The following ITFG2 variants were observed in gnomAD, a reference collection of about 807,000 sequenced individuals.
ITFG2 encodes KICSTOR complex protein ITFG2.
In ITFG2, 36 loss-of-function variants were observed where a neutral mutation model predicts 54.4. The ratio of observed to expected loss-of-function variants is 0.66; its 90% CI spans 0.51 to 0.87. The LOEUF (loss-of-function observed/expected upper bound fraction) is 0.87, where lower values mean the gene tolerates loss of function less well. Ranked by LOEUF, ITFG2 falls within the 40% of genes least tolerant of loss-of-function variation. The probability of loss-of-function intolerance (pLI) is 0.00; values close to 1 mark genes in which losing one functional copy is unlikely to be tolerated. For synonymous variants in ITFG2, 211 were observed against 225.4 expected (o/e 0.94, Z 0.57); for missense variants, 524 against 576.7 (o/e 0.91, Z 0.94).
At chr12:2,833,988 C>A (rs1269454878), upstream of ITFG2, among the ~76,000 whole-genome samples, 1 of 152,226 alleles carries the variant, frequency 6.6e-6, no homozygotes, top group Non-Finnish European at 1.5e-5. Context: ...CCTGAATCTG[C>A]AGTTTTCCGC....
At chr12:2,828,337 G>C, downstream of ITFG2, 1 of 1,613,998 alleles carries the variant, frequency 6.2e-7, no homozygotes, top group Non-Finnish European at 8.5e-7. Flanking sequence ...CTTACCCCAG[G>C]CGGCTGAGAC....
In ITFG2 at chr12:2,816,250, C is replaced by T. The variant is rs542890692; in HGVS notation, c.97-973C>T. Reference sequence around the variant, plus strand: ...TTTACCATGTTGGCCAGGCTGGTCTCGAACTCCTGACCTCATGTGATCCAC... The same window carrying T: ...TTTACCATGTTGGCCAGGCTGGTCTTGAACTCCTGACCTCATGTGATCCAC... On this transcript the variant is annotated intron_variant, in intron 1 of 11. Transcript: ENST00000228799. Among the ~76,000 whole-genome samples, 6 of 151,628 alleles carry T rather than the reference C, an allele frequency of 4.0e-5. No individual in the cohort carries two copies. The East Asian group carries it at 9.7e-4, about 25-fold the overall frequency.
Position 2,824,371 on chromosome 12 carries a change from T to C in ITFG2, c.*178T>C. The C allele has an allele frequency of 1.4e-6, 1 of 718,814 alleles. No homozygotes were observed. Among genetic ancestry groups the C allele is most frequent in the East Asian group, 2.8e-5 (1 of 36,262 alleles). The allele number at this position is 718,814 out of a possible 1,614,324, so 44.5% of individuals were successfully genotyped here. A position where few individuals can be genotyped will look rare whatever the true frequency, so the allele number is the denominator to read the frequency against. ...GTGAACTATAGACCTCGCAGTCTTT[T>C]CGGTGAAAGAAGAGACAAGTTGACC... is the stretch of plus-strand genomic sequence containing the variant. On this transcript the variant is annotated 3_prime_UTR_variant, in exon 12 of 12. Coordinates refer to ENST00000228799, the MANE Select transcript of ITFG2 (RefSeq NM_018463.4).
Position 2,818,138 on chromosome 12 carries a change from G to C in ITFG2, c.267G>C (p.Trp89Cys), listed in dbSNP as rs1166820920. Residue 89 changes from tryptophan (W) to cysteine (C), a missense_variant, in exon 4 of 12, where the codon TGG becomes TGC. By Grantham distance (215) the Trp-to-Cys change is radical (BLOSUM62 -2). Coordinates refer to ENST00000228799, the MANE Select transcript of ITFG2 (RefSeq NM_018463.4). Reference sequence around the variant, plus strand: ...TGGTGGCAGTGAGTGCTGAAGGCTGGTTTCATTTGTTTGACCTGACACCTG... The same window carrying C: ...TGGTGGCAGTGAGTGCTGAAGGCTGCTTTCATTTGTTTGACCTGACACCTG... ...NLLVAVSAEG[W>C]FHLFDLTPAK... The C allele has an allele frequency of 6.2e-7, 1 of 1,614,048 alleles. No homozygotes were observed. The highest frequency in any genetic ancestry group is 8.5e-7 in the Non-Finnish European group (1 of 1,180,048).
intron 2 of ITFG2, among the ~76,000 whole-genome samples, chr12:2,856,506 C>T (rs189070911): frequency 2.6e-4 from 39 of 152,306 alleles, no homozygotes; most frequent in Non-Finnish European, 4.4e-4. Context: ...GCTGGGATTA[C>T]AGGCGCGTGC....
At chr12:2,835,515 G>A (rs137906459), upstream of ITFG2, 1 of 152,952 alleles carries the variant, frequency 6.5e-6, no homozygotes, top group East Asian at 1.9e-4. Flanking sequence ...CTCCCGCCTA[G>A]CAGATGTCAG....
Position 2,820,837 on chromosome 12 carries a change from C to G in ITFG2, c.660C>G (p.Ser220=), listed in dbSNP as rs1427928188. 1.2e-6 allele frequency: 2 copies of G among 1,613,860 alleles called. No homozygotes were observed. Among genetic ancestry groups the G allele is most frequent in the Non-Finnish European group, 1.7e-6 (2 of 1,179,972 alleles). Residue 220 remains serine (S), a synonymous_variant, in exon 6 of 12, where the codon TCC becomes TCG. Coordinates refer to ENST00000228799, the MANE Select transcript of ITFG2 (RefSeq NM_018463.4). The stretch of plus-strand genomic sequence containing the variant: ...GTACCTGGAAAAAGGACACTGGGTC[C>G]CCTCCTGCCTCTGAAGGGCCCACGG... ...LLCTWKKDTG[S]PPASEGPTDG...
chr12:2,820,964 T>A, intron 6 of ITFG2, 92 bp downstream of exon 6: 1 of 1,350,376 alleles, frequency 7.4e-7, no homozygotes, highest in Middle Eastern at 1.9e-4. Context: ...GGTCTGCAGT[T>A]GGCAGAGCTG....
intron 2 of ITFG2, chr12:2,830,516 G>T (rs911808394): frequency 1.8e-6 from 1 of 548,628 alleles, no homozygotes; most frequent in African/African-American, 1.9e-5. Context: ...GTGACAGATG[G>T]AGTTGCACCG....
At chr12:2,846,298 C>G (rs1394416503) in intron 2 of ITFG2, among the ~76,000 whole-genome samples, 4 of 152,198 alleles carry the variant, frequency 2.6e-5, no homozygotes, top group African/African-American at 7.2e-5. Flanking sequence ...CTGCCCGCCC[C>G]TAGCTTAAGG....
downstream of ITFG2, chr12:2,825,863 A>G (rs2097964064): frequency 6.6e-6 from 1 of 152,216 alleles, no homozygotes; most frequent in African/African-American, 2.4e-5. Context: ...CCCAGGTTCA[A>G]GCAACTCCTA....
In ITFG2 at chr12:2,859,751, T is replaced by C. The variant is rs2098106129; in HGVS notation, n.838T>C. On this transcript the variant is annotated non_coding_transcript_exon_variant, in exon 4 of 4. Transcript: ENST00000537710. The stretch of plus-strand genomic sequence containing the variant: ...CATACGGGTTCTGATCCTCTTTGTG[T>C]CGTTTTGAAGTCTTAAAATCTATTA... 3 of 1,000,938 alleles carry C rather than the reference T, an allele frequency of 3.0e-6. No individual in the cohort carries two copies. The East Asian group carries it at 7.8e-5, about 26-fold the overall frequency. 62.0% of individuals were successfully genotyped at this position (1,000,938 alleles called of 1,614,324 possible). A position where few individuals can be genotyped will look rare whatever the true frequency, so the allele number is the denominator to read the frequency against.
At chr12:2,820,272 A>ATTCC in intron 5 of ITFG2, 47 bp downstream of exon 5, 1 of 1,517,672 alleles carries the variant, frequency 6.6e-7, no homozygotes, top group Admixed American at 2.2e-5. Flanking sequence ...GCTGGGAGGA[A>ATTCC]GGTCTCCTGG....
chr12:2,823,314 C>T (rs771935873), intron 10 of ITFG2, among the ~76,000 whole-genome samples: 2 of 133,288 alleles, frequency 1.5e-5, no homozygotes, highest in Non-Finnish European at 1.6e-5. Context: ...AGAAAGTTCT[C>T]CTAGAGCATT....
rs1232411128 is a variant in ITFG2 at position 2,817,679 on chromosome 12, T to C, written c.193-230T>C. Reference sequence around the variant, plus strand: ...TATTAAATACAGAGTTTCTATTTTATTTTAAGTGCAGGTTGTCTTAACCGC... The same window carrying C: ...TATTAAATACAGAGTTTCTATTTTACTTTAAGTGCAGGTTGTCTTAACCGC... On this transcript the variant is annotated intron_variant, in intron 2 of 11. Transcript: ENST00000228799. 9.6e-6 allele frequency: 5 copies of C among 519,590 alleles called. No homozygotes were observed. In the Admixed American group the frequency reaches 1.1e-4, roughly 11 times the overall value. 32.2% of individuals were successfully genotyped at this position (519,590 alleles called of 1,614,324 possible).
downstream of ITFG2, chr12:2,830,950 T>TCCCCCCCCCCCCCCCCCCCC (rs544510879): frequency 1.4e-6 from 2 of 1,383,864 alleles, no homozygotes; most frequent in African/African-American, 3.0e-5. Context: ...CCCAGGATGC[T>TCCCCCCCCCCCCCCCCCCCC]CCCCCCACCC....
intron 2 of ITFG2, chr12:2,841,002 C>T (rs931321513): frequency 6.6e-6 from 1 of 152,654 alleles, no homozygotes; most frequent in Non-Finnish European, 1.5e-5. Context: ...GCAGGTAAGA[C>T]AGGGTAGTCT....
chr12:2,825,444 C>G (rs2097961965), downstream of ITFG2: 1 of 152,480 alleles, frequency 6.6e-6, no homozygotes, highest in Non-Finnish European at 1.5e-5. Context: ...AGGAGGCAGA[C>G]AAGGAAAGGC....
At chr12:2,834,603 A>G, upstream of ITFG2, 1 of 1,528,132 alleles carries the variant, frequency 6.5e-7, no homozygotes, top group Non-Finnish European at 8.8e-7. Context: ...TGGAAGGAAA[A>G]GGCCAGGGGA....
Sources: gnomAD v4.1 joint callset for allele counts (sites outside exome capture counted in the v4.1 genomes callset) on GRCh38, gnomAD v4.1.1 for gene constraint, MANE v1.5 for transcripts, NCBI Gene and HGNC (gene_info 2026-07-23, HGNC 2026-07-21) for gene names.